Variants in ZFAT observed in about 807,000 individuals in gnomAD.
ZFAT encodes the protein zinc finger and AT-hook domain containing.
In ZFAT, 64 loss-of-function variants were observed where a neutral mutation model predicts 117.7. That is an observed-to-expected ratio of 0.54 (90% confidence interval 0.44 to 0.67). ZFAT has a LOEUF of 0.67. Ranked by LOEUF, ZFAT falls within the 30% of genes least tolerant of loss-of-function variation. The pLI is 0.00. For synonymous variants in ZFAT, 679 were observed against 615.0 expected, an observed-to-expected ratio of 1.10 and a Z score of -1.54; for missense variants, 1,433 against 1,584.5, an observed-to-expected ratio of 0.90 and a Z score of 1.62.
intron 10 of ZFAT, among the ~76,000 whole-genome samples, chr8:134,582,175 C>T (rs1171473067): frequency 2.0e-5 from 3 of 152,200 alleles, no homozygotes; most frequent in Admixed American, 6.5e-5. Flanking sequence ...GCTGTGGACC[C>T]GTGATACCAC....
chr8:134,532,126 T>C (rs1191589665), intron 12 of ZFAT, among the ~76,000 whole-genome samples: 1 of 152,264 alleles, frequency 6.6e-6, no homozygotes, highest in Non-Finnish European at 1.5e-5. Context: ...AATGTGATTA[T>C]TTATTGAAAT....
chr8:134,646,456 A>G (rs1830904567), intron 2 of ZFAT, among the ~76,000 whole-genome samples: 1 of 152,188 alleles, frequency 6.6e-6, no homozygotes, highest in South Asian at 2.1e-4. Flanking sequence ...ACATTAGAAA[A>G]AAAGAAAAAT....
In ZFAT at chr8:134,709,735, T is replaced by C. The variant is rs190738558; in HGVS notation, c.19+3110A>G. ...CTTGCTCTAGGCAAGAGCTTAATTC[T>C]ACTTAACAATAGCTATCTTGCAAAA... On this transcript the variant is annotated intron_variant, in intron 1 of 15. Coordinates refer to ENST00000377838, the MANE Select transcript of ZFAT (RefSeq NM_020863.4). 3.9e-5 allele frequency among the ~76,000 whole-genome samples: 6 copies of C among 152,376 alleles called. No homozygotes were observed. The East Asian group carries it at 9.6e-4, about 24-fold the overall frequency.
intron 3 of ZFAT, among the ~76,000 whole-genome samples, chr8:134,634,128 T>C (rs1160229094): frequency 6.6e-6 from 1 of 152,126 alleles, no homozygotes; most frequent in Non-Finnish European, 1.5e-5. Context: ...TTAAAATGAC[T>C]ATTAGTTGTA....
upstream of ZFAT, among the ~76,000 whole-genome samples, chr8:134,713,556 C>G (rs4563850): frequency 0.4 from 60,764 of 151,892 alleles, 12,455 homozygotes; most frequent in African/African-American, 0.45. Flanking sequence ...GAGCGGCCTA[C>G]GATCACACGT....
At chr8:134,737,431 T>G in the ZFAT span, among the ~76,000 whole-genome samples, 1 of 152,238 alleles carries the variant, frequency 6.6e-6, no homozygotes, top group Non-Finnish European at 1.5e-5. Context: ...AGCAGCAGCT[T>G]CCTAAGCCCA....
At chr8:134,733,591 C>G in the ZFAT span, among the ~76,000 whole-genome samples, 45 of 152,364 alleles carry the variant, frequency 3.0e-4, no homozygotes, top group Admixed American at 2.1e-3. Flanking sequence ...CATGCAACTT[C>G]TAATGCCTTC....
In ZFAT at chr8:134,602,690, C is replaced by T. The variant is rs537833871; in HGVS notation, c.1029G>A (p.Val343=). 546 of 1,614,212 alleles carry T rather than the reference C, an allele frequency of 3.4e-4. 13 individuals carry two copies. The South Asian group carries it at 5.3e-3, about 16-fold the overall frequency. Residue 343 remains valine (V), a synonymous_variant, in exon 6 of 16, where the codon GTG becomes GTA. Coordinates refer to ENST00000377838, the MANE Select transcript of ZFAT (RefSeq NM_020863.4). ...FTCLSKGHLK[V]HIERVHKKIK... is the part of the protein sequence containing the mutation. Reference sequence around the variant, plus strand: ...TCTTCTTGTGCACTCGCTCGATGTGCACCTTGAGGTGGCCCTTGCTCAGGC... The same window carrying T: ...TCTTCTTGTGCACTCGCTCGATGTGTACCTTGAGGTGGCCCTTGCTCAGGC...
chr8:134,806,920 G>C, the ZFAT span, among the ~76,000 whole-genome samples: 15 of 152,300 alleles, frequency 9.8e-5, no homozygotes, highest in African/African-American at 3.6e-4. Context: ...TGAGGGGATA[G>C]CTGAAGCTAA....
the ZFAT span, among the ~76,000 whole-genome samples, chr8:134,820,616 A>C: frequency 6.6e-6 from 1 of 152,348 alleles, no homozygotes; most frequent in South Asian, 2.1e-4. Context: ...TCCATGACAG[A>C]GGGTCAAGGG....
At chr8:134,713,116 C>G, upstream of ZFAT, 1 of 395,610 alleles carries the variant, frequency 2.5e-6, no homozygotes, top group African/African-American at 2.1e-5. Flanking sequence ...GCGCCGAGCG[C>G]GGCCCGGCAG....
chr8:134,814,316 T>C, the ZFAT span, among the ~76,000 whole-genome samples: 1 of 152,208 alleles, frequency 6.6e-6, no homozygotes, highest in Non-Finnish European at 1.5e-5. Context: ...CAATTTCCTT[T>C]CAGGATTTTT....
chr8:134,577,692 G>T lies in ZFAT; in HGVS notation c.2887+6140C>A, dbSNP rs1308510486. On this transcript the variant is annotated intron_variant, in intron 10 of 15. Transcript: ENST00000377838. ...TAAATGTAGTAAGTCGAAAATCTCT[G>T]CTTGTGAAGCTTACAATCTAGTGGA... Among the ~76,000 whole-genome samples, 4 of 152,154 alleles carry T rather than the reference G, an allele frequency of 2.6e-5. No individual in the cohort carries two copies. The East Asian group carries it at 7.7e-4, about 29-fold the overall frequency.
At chr8:134,725,027 C>G in the ZFAT span, among the ~76,000 whole-genome samples, 1 of 152,154 alleles carries the variant, frequency 6.6e-6, no homozygotes, top group Non-Finnish European at 1.5e-5. Context: ...AAAACAGCCC[C>G]CCATCTGCTC....
chr8:134,628,309 G>A (rs780477604), intron 3 of ZFAT, among the ~76,000 whole-genome samples: 1 of 152,172 alleles, frequency 6.6e-6, no homozygotes, highest in Non-Finnish European at 1.5e-5. Flanking sequence ...ACAGGACACT[G>A]GAGGCTTTCA....
intron 2 of ZFAT, 137 bp from the exon 3 acceptor site, chr8:134,637,849 T>A: frequency 8.3e-7 from 1 of 1,201,582 alleles, no homozygotes; most frequent in Non-Finnish European, 1.1e-6. Context: ...TTCCAGACAT[T>A]AACAGCTGCA....
chr8:134,805,206 T>C, the ZFAT span, among the ~76,000 whole-genome samples: 2 of 152,274 alleles, frequency 1.3e-5, no homozygotes, highest in East Asian at 1.9e-4. Context: ...ATTACCCTGA[T>C]ATCCTACATG....
intron 10 of ZFAT, among the ~76,000 whole-genome samples, chr8:134,573,698 CA>C (rs1210690077): frequency 6.6e-6 from 1 of 152,248 alleles, no homozygotes; most frequent in Non-Finnish European, 1.5e-5. Context: ...TTCATCTCTC[CA>C]AAGGTGAGGC....
chr8:134,733,504 T>G, the ZFAT span, among the ~76,000 whole-genome samples: 1 of 152,242 alleles, frequency 6.6e-6, no homozygotes, highest in African/African-American at 2.4e-5. Flanking sequence ...CTTATGATCC[T>G]TCTTCTTTAT....
Sources: allele counts gnomAD v4.1 joint callset (sites outside exome capture counted in the v4.1 genomes callset), GRCh38; gene constraint gnomAD v4.1.1; transcripts MANE v1.5; gene names NCBI Gene and HGNC (gene_info 2026-07-23, HGNC 2026-07-21).